Variants in TMEM65 observed in about 807,000 individuals in gnomAD.
TMEM65 encodes the protein transmembrane protein 65.
A neutral mutation model predicts 25.4 loss-of-function variants in TMEM65; 22 were observed. The observed-to-expected ratio is 0.86, with a 90% CI of 0.62 to 1.23. The LOEUF is 1.23. Ranked by LOEUF, TMEM65 falls within the 50% of genes most tolerant of loss-of-function variation. The pLI, the probability that TMEM65 is intolerant of heterozygous loss-of-function variation, is 0.00. For synonymous variants in TMEM65, 132 were observed against 126.2 expected, an observed-to-expected ratio of 1.05 and a Z score of -0.31; for missense variants, 262 against 308.2, an observed-to-expected ratio of 0.85 and a Z score of 1.12.
Position 124,312,981 on chromosome 8 carries a change from A to C in TMEM65, c.*979T>G, listed in dbSNP as rs1814183560. On this transcript the variant is annotated 3_prime_UTR_variant, in exon 7 of 7. Transcript: ENST00000297632. The stretch of plus-strand genomic sequence containing the variant: ...GAAGATGACATCTTTGGAGGGAAAA[A>C]AAAAAACCTTACCAAATAATATAAA... 6.6e-6 allele frequency: 1 copy of C among 151,744 alleles called. No homozygotes were observed. The allele number at this position is 151,744 out of a possible 1,614,324, so 9.4% of individuals were successfully genotyped here.
intron 1 of TMEM65, among the ~76,000 whole-genome samples, chr8:124,354,878 CTTA>C (rs368799046): frequency 9.9e-5 from 15 of 152,234 alleles, no homozygotes; most frequent in African/African-American, 3.4e-4. Context: ...ATATCAGAAA[CTTA>C]TTATCCAATG....
At chr8:124,360,281 T>C (rs1814842478) in intron 1 of TMEM65, among the ~76,000 whole-genome samples, 1 of 151,822 alleles carries the variant, frequency 6.6e-6, no homozygotes, top group South Asian at 2.1e-4. Flanking sequence ...ATGCAAAAAA[T>C]TAGCCGGGCA....
intron 1 of TMEM65, among the ~76,000 whole-genome samples, chr8:124,369,003 A>G (rs541344381): frequency 7.7e-4 from 117 of 152,374 alleles, no homozygotes; most frequent in African/African-American, 2.6e-3. Context: ...GGAAATATTA[A>G]TTACAAAAAT....
chr8:124,351,462 AAAGT>A (rs1814707105), intron 1 of TMEM65, among the ~76,000 whole-genome samples: 1 of 152,206 alleles, frequency 6.6e-6, no homozygotes, highest in African/African-American at 2.4e-5. Context: ...AAACGCTGAT[AAAGT>A]GTGTTGTTTC....
At chr8:124,344,759 T>G (rs1271133662) in intron 1 of TMEM65, among the ~76,000 whole-genome samples, 1 of 152,206 alleles carries the variant, frequency 6.6e-6, no homozygotes, top group Non-Finnish European at 1.5e-5. Context: ...ATCCTCCTGA[T>G]AGCCATAATA....
In TMEM65 at chr8:124,372,162, A is replaced by G. The variant is rs1815026692; in HGVS notation, c.-5T>C. 1.6e-6 allele frequency: 2 copies of G among 1,214,670 alleles called. No individual in the cohort carries two copies. The highest frequency in any genetic ancestry group is 1.0e-6 in the Non-Finnish European group (1 of 969,174). The allele number at this position is 1,214,670 out of a possible 1,614,324, so 75.2% of individuals were successfully genotyped here. On this transcript the variant is annotated 5_prime_UTR_variant, in exon 1 of 7. Coordinates refer to ENST00000297632, the MANE Select transcript of TMEM65 (RefSeq NM_194291.3). ...CAGCGGCAGCAGCCGGGACATGGCG[A>G]GCTGAGGAGCTGGGACCCCCGCGGC...
At position 124,372,403 on chromosome 8, in the gene TMEM65, G is replaced by A. The variant is rs2131237727; in HGVS notation, c.-246C>T. 1 of 184,422 alleles carries A rather than the reference G, an allele frequency of 5.4e-6. No individual in the cohort carries two copies. The highest frequency in any genetic ancestry group is 1.3e-4 in the South Asian group (1 of 7,622). 11.4% of individuals were successfully genotyped at this position (184,422 alleles called of 1,614,324 possible). A position where few individuals can be genotyped will look rare whatever the true frequency, so the allele number is the denominator to read the frequency against. ...GATGGGAAAAACTTTCTCTGAGACG[G>A]CCGGGCCCGGACAGCGCCCGGAGAG... On this transcript the variant is annotated 5_prime_UTR_variant, in exon 1 of 7. Transcript: ENST00000297632.
intron 1 of TMEM65, among the ~76,000 whole-genome samples, chr8:124,348,405 C>T (rs767885361): frequency 6.6e-6 from 1 of 151,676 alleles, no homozygotes; most frequent in Non-Finnish European, 1.5e-5. Flanking sequence ...TCTTTTATGC[C>T]TATGGAAGAT....
chr8:124,361,843 T>A (rs1814866907), intron 1 of TMEM65, among the ~76,000 whole-genome samples: 1 of 151,642 alleles, frequency 6.6e-6, no homozygotes. Flanking sequence ...CTCAAAAAAA[T>A]AAAAAATAAA....
Position 124,310,802 on chromosome 8 carries a change from G to T in TMEM65, c.*3158C>A, listed in dbSNP as rs1248409728. ...GTCCAGACAACTGAGAAAAAAAGCA[G>T]ATTAGAGAGATAAAAGTTGCCAGAA... On this transcript the variant is annotated 3_prime_UTR_variant, in exon 7 of 7. Coordinates refer to ENST00000297632, the MANE Select transcript of TMEM65 (RefSeq NM_194291.3). 6.6e-6 allele frequency: 1 copy of T among 151,516 alleles called. No individual in the cohort carries two copies. Among genetic ancestry groups the T allele is most frequent in the African/African-American group, 2.4e-5 (1 of 41,232 alleles). 9.4% of individuals were successfully genotyped at this position (151,516 alleles called of 1,614,324 possible).
chr8:124,318,364 T>G (rs13272797), intron 6 of TMEM65, among the ~76,000 whole-genome samples: 2 of 89,416 alleles, frequency 2.2e-5, no homozygotes, highest in African/African-American at 4.2e-5. Flanking sequence ...AATTTGCATG[T>G]TTTTGTTTTT....
At chr8:124,357,636 A>C (rs1814801270) in intron 1 of TMEM65, among the ~76,000 whole-genome samples, 1 of 152,126 alleles carries the variant, frequency 6.6e-6, no homozygotes, top group African/African-American at 2.4e-5. Context: ...CAGGAGATAC[A>C]GGAGACTAAG....
intron 2 of TMEM65, 22 bp from the exon 3 acceptor site, chr8:124,327,443 A>C (rs1814378611): frequency 6.6e-7 from 1 of 1,515,494 alleles, no homozygotes; most frequent in East Asian, 2.4e-5. Context: ...CAAAAACAGA[A>C]AAATATATTT....
intron 1 of TMEM65, among the ~76,000 whole-genome samples, chr8:124,370,118 T>G (rs935716048): frequency 6.6e-6 from 1 of 152,198 alleles, no homozygotes; most frequent in African/African-American, 2.4e-5. Flanking sequence ...TAAAACCACG[T>G]TAAATTTAAA....
At chr8:124,357,658 G>T (rs1443294850) in intron 1 of TMEM65, among the ~76,000 whole-genome samples, 1 of 152,074 alleles carries the variant, frequency 6.6e-6, no homozygotes, top group Non-Finnish European at 1.5e-5. Context: ...TATGTTACCA[G>T]TACATCCAGT....
chr8:124,322,188 A>G, intron 4 of TMEM65, 41 bp from the exon 5 acceptor site: 2 of 1,437,460 alleles, frequency 1.4e-6, no homozygotes, highest in Non-Finnish European at 1.9e-6. Context: ...ATAAAAGAAT[A>G]ATAATTATAT....
chr8:124,333,455 C>CTGTG (rs1276237470), intron 1 of TMEM65, among the ~76,000 whole-genome samples: 6 of 124,824 alleles, frequency 4.8e-5, no homozygotes, highest in South Asian at 3.0e-4. Context: ...TTCTTTCCAT[C>CTGTG]TGTGTGTGTG....
At chr8:124,369,212 T>C (rs1173228575) in intron 1 of TMEM65, among the ~76,000 whole-genome samples, 1 of 152,190 alleles carries the variant, frequency 6.6e-6, no homozygotes, top group Non-Finnish European at 1.5e-5. Context: ...GGAAAGAAAT[T>C]GGTTTGTAAT....
intron 1 of TMEM65, among the ~76,000 whole-genome samples, chr8:124,347,869 A>G (rs1358730353): frequency 6.6e-6 from 1 of 150,894 alleles, no homozygotes; most frequent in Non-Finnish European, 1.5e-5. Context: ...AATAGTAAAT[A>G]CTAGAGGTAC....
Sources: allele counts gnomAD v4.1 joint callset (sites outside exome capture counted in the v4.1 genomes callset), GRCh38; gene constraint gnomAD v4.1.1; transcripts MANE v1.5; gene names NCBI Gene and HGNC (gene_info 2026-07-23, HGNC 2026-07-21).